The following CYP20A1 variants were observed in gnomAD, a reference collection of about 807,000 sequenced individuals.
The protein encoded by CYP20A1 is cytochrome P450 family 20 subfamily A member 1.
A neutral mutation model predicts 61.4 loss-of-function variants in CYP20A1; 61 were observed. The observed-to-expected ratio is 0.99, with a 90% CI of 0.81 to 1.23. The LOEUF (loss-of-function observed/expected upper bound fraction) is 1.23, where lower values mean the gene tolerates loss of function less well. Ranked by LOEUF, CYP20A1 falls within the 50% of genes most tolerant of loss-of-function variation. The pLI is 0.00. For synonymous variants in CYP20A1, 193 were observed against 188.2 expected (o/e 1.03, Z -0.21); for missense variants, 530 against 542.4 (o/e 0.98, Z 0.23).
intron 4 of CYP20A1, among the ~76,000 whole-genome samples, chr2:203,258,630 G>A (rs2067012066): frequency 6.6e-6 from 1 of 152,148 alleles, no homozygotes; most frequent in Non-Finnish European, 1.5e-5. Context: ...GCTTTCATCT[G>A]TAACTGATAG....
chr2:203,241,919 G>C (rs751163701), intron 1 of CYP20A1, among the ~76,000 whole-genome samples: 46 of 152,132 alleles, frequency 3.0e-4, no homozygotes, highest in Non-Finnish European at 5.1e-4. Context: ...TCTGCTCACT[G>C]CAGCCTCTGC....
intron 5 of CYP20A1, among the ~76,000 whole-genome samples, chr2:203,271,661 G>A (rs1485642337): frequency 2.0e-5 from 3 of 151,982 alleles, no homozygotes; most frequent in Non-Finnish European, 4.4e-5. Context: ...CTTTACCTCA[G>A]CCAATGTTTA....
At position 203,303,804 on chromosome 2, in the gene CYP20A1, G is replaced by A. The variant is rs1188318471; in HGVS notation, c.*6896G>A. Among the ~76,000 whole-genome samples, 2 of 151,416 alleles carry A rather than the reference G, an allele frequency of 1.3e-5. No homozygotes were observed. The highest frequency in any genetic ancestry group is 2.9e-5 in the Non-Finnish European group (2 of 67,934). On this transcript the variant is annotated 3_prime_UTR_variant, in exon 13 of 13. Transcript: ENST00000356079. ...GGCATGAGAAAAAAAATAAACCTGG[G>A]AGGTGGAGGTTGCAGTGAGTTGAGA...
At chr2:203,285,108 C>A (rs1331615465) in intron 8 of CYP20A1, among the ~76,000 whole-genome samples, 2 of 152,006 alleles carry the variant, frequency 1.3e-5, no homozygotes, top group African/African-American at 4.8e-5. Context: ...TAACCACTCA[C>A]AAATTTTGAG....
At chr2:203,247,668 C>A (rs546157807) in intron 3 of CYP20A1, among the ~76,000 whole-genome samples, 104 of 152,038 alleles carry the variant, frequency 6.8e-4, no homozygotes, top group African/African-American at 2.4e-3. Context: ...ACCATCCTAG[C>A]CAACATGGTG....
intron 8 of CYP20A1, among the ~76,000 whole-genome samples, chr2:203,285,040 G>C (rs2068208815): frequency 6.6e-6 from 1 of 151,900 alleles, no homozygotes; most frequent in Non-Finnish European, 1.5e-5. Context: ...ATCCCCTCCC[G>C]AAGTGCTGGG....
chr2:203,246,733 T>C, intron 2 of CYP20A1, 22 bp from the exon 3 acceptor site: 3 of 1,604,506 alleles, frequency 1.9e-6, no homozygotes, highest in Non-Finnish European at 2.6e-6. Flanking sequence ...GATTATTTTG[T>C]CAAATGTTGC....
intron 1 of CYP20A1, among the ~76,000 whole-genome samples, chr2:203,239,398 C>T (rs1156796437): frequency 6.6e-6 from 1 of 152,196 alleles, no homozygotes; most frequent in Non-Finnish European, 1.5e-5. Flanking sequence ...AAGCCCGCGC[C>T]CCCGCAGGCC....
At chr2:203,281,755 C>T (rs1032408480) in intron 8 of CYP20A1, among the ~76,000 whole-genome samples, 9 of 150,428 alleles carry the variant, frequency 6.0e-5, no homozygotes, top group Admixed American at 2.6e-4. Context: ...GAGCTGAGAT[C>T]GCACCACTGC....
Position 203,293,373 on chromosome 2 carries a change from G to A in CYP20A1, c.1148+1047G>A, listed in dbSNP as rs552253073. 4.0e-5 allele frequency among the ~76,000 whole-genome samples: 6 copies of A among 150,862 alleles called. 1 individual carries two copies. The East Asian group carries it at 1.2e-3, about 30-fold the overall frequency. On this transcript the variant is annotated intron_variant, in intron 11 of 12. Transcript: ENST00000356079. The stretch of plus-strand genomic sequence containing the variant: ...TGGGACTACAGGCACCCGCCACCAC[G>A]CCCAGCTAATTTTGTGTAGTTTTAG...
rs951322610 is a variant in CYP20A1 at position 203,299,855 on chromosome 2, CAA to C, written c.*2948_*2949del. On this transcript the variant is annotated 3_prime_UTR_variant, in exon 13 of 13. Transcript: ENST00000356079. ...CGCCATTGCACTCCAGCCTGGGCAA[CAA>C]GAGTGAAACTCCGTCTCAAAAAAAA... Among the ~76,000 whole-genome samples the C allele has an allele frequency of 1.8e-4, 28 of 151,844 alleles. No individual in the cohort carries two copies. Among genetic ancestry groups the C allele is most frequent in the African/African-American group, 6.5e-4 (27 of 41,396 alleles).
At chr2:203,271,181 G>A (rs572660163) in intron 5 of CYP20A1, among the ~76,000 whole-genome samples, 68 of 138,522 alleles carry the variant, frequency 4.9e-4, no homozygotes, top group African/African-American at 1.7e-3. Context: ...TCCGCCTCCC[G>A]GGTTCACGCC....
chr2:203,266,792 C>T lies in CYP20A1; in HGVS notation c.600+111C>T. 4 of 861,102 alleles carry T rather than the reference C, an allele frequency of 4.6e-6. No homozygotes were observed. In the African/African-American group the frequency reaches 5.1e-5, roughly 11 times the overall value. The allele number at this position is 861,102 out of a possible 1,614,324, so 53.3% of individuals were successfully genotyped here. ...AGTCAGGAGTTAAAGACCAGCCTGC[C>T]CCACATGGTAAAAACGTGTCTCTAC... On this transcript the variant is annotated intron_variant, in intron 5 of 12. Transcript: ENST00000356079.
rs557669570 is a variant in CYP20A1 at position 203,299,640 on chromosome 2, C to T, written c.*2732C>T. On this transcript the variant is annotated 3_prime_UTR_variant, in exon 13 of 13. Coordinates refer to ENST00000356079, the MANE Select transcript of CYP20A1 (RefSeq NM_177538.3). ...CTGTAATCCCAGCACTTTGGGAGGCCGAGGCAGGCAGATCACCTGAGGTCA... is the reference window on the plus strand; with the variant it reads ...CTGTAATCCCAGCACTTTGGGAGGCTGAGGCAGGCAGATCACCTGAGGTCA... Among the ~76,000 whole-genome samples the T allele has an allele frequency of 1.4e-4, 21 of 152,038 alleles. No individual in the cohort carries two copies. In the South Asian group the frequency reaches 1.5e-3, roughly 11 times the overall value.
At chr2:203,292,449 G>A (rs1020974618) in intron 11 of CYP20A1, 123 bp downstream of exon 11, 1 of 681,054 alleles carries the variant, frequency 1.5e-6, no homozygotes, top group South Asian at 1.8e-5. Flanking sequence ...AAGAAAACTA[G>A]TGAATCCCCT....
chr2:203,258,005 G>GCTCAAGTGCAGGGGCACAATT (rs1455916330), intron 4 of CYP20A1, among the ~76,000 whole-genome samples: 2 of 151,752 alleles, frequency 1.3e-5, no homozygotes, highest in Non-Finnish European at 2.9e-5. Flanking sequence ...GGGCTGAAGG[G>GCTCAAGTGCAGGGGCACAATT]ATCCTCCTGC....
At chr2:203,267,567 G>A (rs577020383) in intron 5 of CYP20A1, among the ~76,000 whole-genome samples, 3 of 151,764 alleles carry the variant, frequency 2.0e-5, no homozygotes, top group South Asian at 2.1e-4. Flanking sequence ...GATCTTGGCC[G>A]GGCGTGGTGG....
At chr2:203,272,850 T>TA in intron 6 of CYP20A1, 102 bp downstream of exon 6, 11 of 653,434 alleles carry the variant, frequency 1.7e-5, no homozygotes, top group Non-Finnish European at 2.4e-5. Flanking sequence ...ATTTATATTT[T>TA]CTTTTTTTTT....
intron 1 of CYP20A1, among the ~76,000 whole-genome samples, chr2:203,241,944 C>G (rs1575157623): frequency 6.6e-6 from 1 of 152,192 alleles, no homozygotes; most frequent in African/African-American, 2.4e-5. Context: ...CAGGTTCAAG[C>G]GATTCTTCTG....
Sources: gnomAD v4.1 joint callset for allele counts (sites outside exome capture counted in the v4.1 genomes callset) on GRCh38, gnomAD v4.1.1 for gene constraint, MANE v1.5 for transcripts, NCBI Gene and HGNC (gene_info 2026-07-23, HGNC 2026-07-21) for gene names.